Variants in SYMPK observed in about 807,000 individuals in gnomAD.
SYMPK encodes symplekin scaffold protein.
In SYMPK, 49 loss-of-function variants were observed where a neutral mutation model predicts 136.4. The observed-to-expected ratio is 0.36, with a 90% CI of 0.29 to 0.46. The LOEUF (loss-of-function observed/expected upper bound fraction) is 0.46. Among genes scored for constraint, SYMPK ranks in the 20% least tolerant of loss-of-function variants. The pLI is 1.00. For missense variants in SYMPK, 1,365 were observed against 1,690.0 expected (o/e 0.81, Z 3.37); for synonymous variants, 766 against 713.0 (o/e 1.07, Z -1.19).
At chr19:45,818,423 A>T (rs75284429) in intron 22 of SYMPK, among the ~76,000 whole-genome samples, 303 of 152,326 alleles carry the variant, frequency 2.0e-3, no homozygotes, top group Middle Eastern at 3.4e-3. Context: ...CCTCACTTTA[A>T]GGACGACCTT....
At chr19:45,836,435 CT>C (rs1330024244) in intron 10 of SYMPK, among the ~76,000 whole-genome samples, 1 of 151,780 alleles carries the variant, frequency 6.6e-6, no homozygotes, top group African/African-American at 2.4e-5. Flanking sequence ...TCAAGACCAT[CT>C]TGGCTAACAC....
chr19:45,828,384 A>G (rs919368949), intron 14 of SYMPK: 2 of 185,320 alleles, frequency 1.1e-5, no homozygotes, highest in African/African-American at 4.8e-5. Flanking sequence ...GAACAGACAG[A>G]AGGCCAATGT....
intron 11 of SYMPK, 36 bp from the exon 12 acceptor site, chr19:45,831,624 C>T: frequency 1.3e-6 from 2 of 1,526,960 alleles, no homozygotes; most frequent in Non-Finnish European, 1.8e-6. Flanking sequence ...CCCAGTGCGT[C>T]AGACCCACCT....
chr19:45,844,610 G>C (rs1407184936), intron 7 of SYMPK, among the ~76,000 whole-genome samples: 2 of 152,098 alleles, frequency 1.3e-5, no homozygotes, highest in African/African-American at 4.8e-5. Flanking sequence ...AGGAGGCAGA[G>C]GTTGCAGTGA....
chr19:45,854,533 G>C, intron 1 of SYMPK, 26 bp from the exon 2 acceptor site: 1 of 1,593,790 alleles, frequency 6.3e-7, no homozygotes, highest in Non-Finnish European at 8.6e-7. Flanking sequence ...GAAGAGGATG[G>C]ATCAAGCTCA....
chr19:45,853,780 G>A (rs1044534056), intron 3 of SYMPK, among the ~76,000 whole-genome samples: 6 of 152,130 alleles, frequency 3.9e-5, no homozygotes, highest in Admixed American at 2.6e-4. Flanking sequence ...CTCCATCCCA[G>A]CCCTGCCCAC....
chr19:45,827,551 G>A lies in SYMPK; in HGVS notation c.2140C>T (p.Leu714=), dbSNP rs35490979. ...FKRPSRQFQY[L]HVLLDLSSHE... is the part of the protein sequence containing the mutation. Reference sequence around the variant, plus strand: ...GAGCTGAGGTCGAGGAGGACATGCAGGTACTGGAACTGGCGGGACGGGCGC... The same window carrying A: ...GAGCTGAGGTCGAGGAGGACATGCAAGTACTGGAACTGGCGGGACGGGCGC... The change falls in exon 16 of 27, where the codon CTG becomes TTG. Residue 714 remains leucine (L), a synonymous_variant. Transcript: ENST00000245934. 69,564 of 1,614,002 alleles carry A rather than the reference G, an allele frequency of 0.043. 4,444 individuals carry two copies. The highest frequency in any genetic ancestry group is 0.38 in the East Asian group (17,228 of 44,820).
chr19:45,842,943 C>T (rs1424427118), intron 8 of SYMPK: 1 of 172,450 alleles, frequency 5.8e-6, no homozygotes, highest in Admixed American at 5.8e-5. Flanking sequence ...GTAATTCTGC[C>T]TGCCTAGCAT....
chr19:45,827,501 G>A lies in SYMPK; in HGVS notation c.2181+9C>T, dbSNP rs764075823. On this transcript the variant is annotated intron_variant, in intron 16 of 26. Coordinates refer to ENST00000245934, the MANE Select transcript of SYMPK (RefSeq NM_004819.3). ...CTGAGGGCAGCCAGGAAGTGGAGGA[G>A]GGGATCACCTTGTCCTTCTCATGGG... 1 of 1,608,574 alleles carries A rather than the reference G, an allele frequency of 6.2e-7. No homozygotes were observed. The highest frequency in any genetic ancestry group is 1.1e-5 in the South Asian group (1 of 90,932).
At chr19:45,843,999 G>A in intron 8 of SYMPK, 31 bp downstream of exon 8, 2 of 1,381,138 alleles carry the variant, frequency 1.4e-6, no homozygotes, top group Non-Finnish European at 1.9e-6. Flanking sequence ...GTGAAGAGAA[G>A]GCAGGGGGAG....
In SYMPK at chr19:45,854,457, G is replaced by T; in HGVS notation, c.39C>A (p.Ser13Arg). 2 of 1,614,052 alleles carry T rather than the reference G, an allele frequency of 1.2e-6. No homozygotes were observed. Among genetic ancestry groups the T allele is most frequent in the Non-Finnish European group, 1.7e-6 (2 of 1,180,022 alleles). ...SGSGDSVTRR[S>R]VASQFFTQEE... Reference sequence around the variant, plus strand: ...CTTGAGTGAAAAACTGTGATGCCACGCTCCGACGGGTGACGCTGTCTCCAC... The same window carrying T: ...CTTGAGTGAAAAACTGTGATGCCACTCTCCGACGGGTGACGCTGTCTCCAC... The change falls in exon 2 of 27, where the codon AGC (serine) becomes AGA (arginine). Residue 13 changes from serine (S) to arginine (R), a missense_variant. Physicochemically the swap from Ser to Arg is moderately radical, Grantham distance 110. This residue lies in a region of SYMPK where 61 missense variants were observed against 80.7 expected (regional missense o/e 0.76). Transcript: ENST00000245934.
chr19:45,815,739 G>A (rs1335728314), intron 26 of SYMPK, 42 bp from the exon 27 acceptor site: 3 of 1,601,272 alleles, frequency 1.9e-6, no homozygotes, highest in Admixed American at 1.7e-5. Context: ...TGGAGGGCGC[G>A]GTCACCTCCA....
In SYMPK at chr19:45,815,578, C is replaced by T. The variant is rs377022682; in HGVS notation, c.3807G>A (p.Glu1269=). ...AGCCCCGTCAGCTGTTCCCCTTGGC[C>T]TCGGGTTCCCTGGCGTCCTCGGCAG... The part of the protein sequence containing the change: ...SPAAEDAREP[E]AKGNS The change falls in exon 27 of 27, where the codon GAG becomes GAA. Residue 1269 remains glutamate (E), a synonymous_variant. Coordinates refer to ENST00000245934, the MANE Select transcript of SYMPK (RefSeq NM_004819.3). 6.3e-7 allele frequency: 1 copy of T among 1,598,266 alleles called. No homozygotes were observed. Among genetic ancestry groups the T allele is most frequent in the Non-Finnish European group, 8.5e-7 (1 of 1,174,024 alleles).
chr19:45,857,640 T>C lies in SYMPK; in HGVS notation c.-12-3133A>G, dbSNP rs550544496. 2.6e-3 allele frequency among the ~76,000 whole-genome samples: 390 copies of C among 150,828 alleles called. 2 individuals carry two copies. Among genetic ancestry groups the C allele is most frequent in the African/African-American group, 8.5e-3 (349 of 41,208 alleles). ...CCCAGTAGCTGGGACTACAGGCGCC[T>C]GCCACCACGCCCGGCTAATTTTTTG... On this transcript the variant is annotated intron_variant, in intron 1 of 26. Coordinates refer to ENST00000245934, the MANE Select transcript of SYMPK (RefSeq NM_004819.3).
rs773711073 is a variant in SYMPK at position 45,821,297 on chromosome 19, A to G, written c.2893+87T>C. 1 of 994,054 alleles carries G rather than the reference A, an allele frequency of 1.0e-6. No homozygotes were observed. Among genetic ancestry groups the G allele is most frequent in the Non-Finnish European group, 1.6e-6 (1 of 623,788 alleles). 61.6% of individuals were successfully genotyped at this position (994,054 alleles called of 1,614,324 possible). A position where few individuals can be genotyped will look rare whatever the true frequency, so the allele number is the denominator to read the frequency against. On this transcript the variant is annotated intron_variant, in intron 22 of 26. Coordinates refer to ENST00000245934, the MANE Select transcript of SYMPK (RefSeq NM_004819.3). This position sits in a 1 kb window ranked among gnomAD's most constrained non-coding sequence, Gnocchi z 4.4. ...TGTGAGTGACAGTCTTTGACTTGGC[A>G]GATTCCAGTGGGGGCATGTGGGTGA...
chr19:45,823,598 C>T (rs1043663308), intron 19 of SYMPK, 126 bp from the exon 20 acceptor site: 29 of 1,001,388 alleles, frequency 2.9e-5, no homozygotes, highest in East Asian at 5.1e-5. Flanking sequence ...TGGCTGCTCA[C>T]GTGCAATTAG....
intron 3 of SYMPK, 135 bp downstream of exon 3, chr19:45,854,040 G>C (rs1971757338): frequency 7.4e-6 from 6 of 812,770 alleles, no homozygotes; most frequent in Non-Finnish European, 2.1e-6. Flanking sequence ...AAGAGCAGAG[G>C]CCTGCACTGA....
chr19:45,821,382 A>T lies in SYMPK; in HGVS notation c.2893+2T>A. On this transcript the variant is annotated splice_donor_variant, in intron 22 of 26. Transcript: ENST00000245934. LOFTEE classifies it high-confidence loss of function. The surrounding 1 kb of genome is among the most constrained non-coding windows in gnomAD (Gnocchi z 4.4). ...CACTGGAGTGGGGGGGAAGCGCCTC[A>T]CCTTTGATGATGGATTTCATGTCGC... 1 of 1,613,002 alleles carries T rather than the reference A, an allele frequency of 6.2e-7. No individual in the cohort carries two copies. Among genetic ancestry groups the T allele is most frequent in the Non-Finnish European group, 8.5e-7 (1 of 1,179,256 alleles).
At chr19:45,852,430 C>T (rs1971717726) in intron 4 of SYMPK, 45 bp from the exon 5 acceptor site, 1 of 1,614,168 alleles carries the variant, frequency 6.2e-7, no homozygotes, top group East Asian at 2.2e-5. Context: ...CACAAGGATC[C>T]ACATCCCCTT....
Sources: allele counts gnomAD v4.1 joint callset (sites outside exome capture counted in the v4.1 genomes callset), GRCh38; gene constraint gnomAD v4.1.1; regional missense constraint gnomAD v4.1.1; non-coding constraint Gnocchi (gnomAD v3.1); transcripts MANE v1.5; gene names NCBI Gene and HGNC (gene_info 2026-07-23, HGNC 2026-07-21).